TRMT44: variants seen among roughly 807,000 people sequenced by gnomAD.
TRMT44 encodes tRNA methyltransferase 44 homolog, also known as probable tRNA (uracil-O(2)-)-methyltransferase.
Under a neutral mutation model 77.3 loss-of-function variants are expected in TRMT44, and 78 were observed. The observed-to-expected ratio is 1.01, with a 90% CI of 0.84 to 1.22. The LOEUF (loss-of-function observed/expected upper bound fraction) is 1.22. Ranked by LOEUF, TRMT44 falls within the 50% of genes most tolerant of loss-of-function variation. TRMT44 has a pLI of 0.00. For missense variants in TRMT44, 1,090 were observed against 964.4 expected (o/e 1.13, Z -1.73); for synonymous variants, 391 against 383.3 (o/e 1.02, Z -0.23).
downstream of TRMT44, among the ~76,000 whole-genome samples, chr4:8,496,494 C>G (rs1280202187): frequency 6.6e-6 from 1 of 152,172 alleles, no homozygotes; most frequent in Non-Finnish European, 1.5e-5. Flanking sequence ...CCGCCCCATG[C>G]AGGAGCTCAA....
rs557485396 is a variant in TRMT44 at position 8,482,941 on chromosome 4, G to A, written n.3891+3408G>A. Among the ~76,000 whole-genome samples, 290 of 152,024 alleles carry A rather than the reference G, an allele frequency of 1.9e-3. 2 individuals carry two copies. Among genetic ancestry groups the A allele is most frequent in the African/African-American group, 6.5e-3 (270 of 41,414 alleles). Reference sequence around the variant, plus strand: ...GTGGTATGGAGAGATAATGGGCAATGTTTCTCAGGGCTGCTTCGAGTGGGA... The same window carrying A: ...GTGGTATGGAGAGATAATGGGCAATATTTCTCAGGGCTGCTTCGAGTGGGA... On this transcript the variant is annotated intron_variant and non_coding_transcript_variant, in intron 2 of 2. Transcript: ENST00000511366.
chr4:8,451,824 T>A lies in TRMT44; in HGVS notation c.955-136T>A. The A allele has an allele frequency of 1.3e-6, 1 of 753,698 alleles. No homozygotes were observed. Among genetic ancestry groups the A allele is most frequent in the African/African-American group, 1.7e-5 (1 of 57,318 alleles). The allele number at this position is 753,698 out of a possible 1,614,324, so 46.7% of individuals were successfully genotyped here. On this transcript the variant is annotated intron_variant, in intron 3 of 10. Transcript: ENST00000389737. The surrounding 1 kb of genome is among the most constrained non-coding windows in gnomAD (Gnocchi z 4.1). ...TTGTAAGAAACCAGTTGTGAATTCC[T>A]GCCTTTGAGCTTATGTTTCCTATTT...
At chr4:8,500,423 G>T in the TRMT44 span, among the ~76,000 whole-genome samples, 2 of 151,430 alleles carry the variant, frequency 1.3e-5, no homozygotes, top group Non-Finnish European at 2.9e-5. Context: ...TTGAACCTGG[G>T]AGGCAGAGGT....
At chr4:8,492,163 C>T (rs1007492597) in intron 2 of TRMT44, among the ~76,000 whole-genome samples, 1 of 152,186 alleles carries the variant, frequency 6.6e-6, no homozygotes, top group Non-Finnish European at 1.5e-5. Context: ...AAGTAAATCT[C>T]CTCCATAATC....
chr4:8,514,511 A>C, the TRMT44 span, among the ~76,000 whole-genome samples: 1 of 151,932 alleles, frequency 6.6e-6, no homozygotes, highest in African/African-American at 2.4e-5. Context: ...TCCTGACCTC[A>C]GGTGATCCGC....
chr4:8,441,916 C>T (rs1231965229), intron 1 of TRMT44, among the ~76,000 whole-genome samples: 4 of 152,198 alleles, frequency 2.6e-5, no homozygotes, highest in African/African-American at 9.7e-5. Context: ...ATCTAAGAAG[C>T]GGACGTTCGG....
At chr4:8,471,039 A>G in intron 9 of TRMT44, 45 bp from the exon 10 acceptor site, 2 of 1,361,630 alleles carry the variant, frequency 1.5e-6, no homozygotes, top group South Asian at 2.6e-5. Context: ...GGTTCGTAAT[A>G]TTTTGCTGTT....
chr4:8,452,908 GA>G lies in TRMT44; in HGVS notation c.1051del (p.Arg351GlyfsTer3). Reference sequence around the variant, plus strand: ...TTCTATGGGAAGAAGAAAGGGCTGAGAGGAGACTAACTGCCAGGCAGTCCTT... The same window carrying G: ...TTCTATGGGAAGAAGAAAGGGCTGAGGGAGACTAACTGCCAGGCAGTCCTT... ...LILWEEERAE[R>X]RLTARQSFVD... On this transcript the variant is annotated frameshift_variant, in exon 5 of 11. Coordinates refer to ENST00000389737, the MANE Select transcript of TRMT44 (RefSeq NM_152544.3). LOFTEE classifies it high-confidence loss of function. The surrounding 1 kb of genome is among the most constrained non-coding windows in gnomAD (Gnocchi z 5.7). 1 of 1,533,426 alleles carries G rather than the reference GA, an allele frequency of 6.5e-7. No homozygotes were observed. Among genetic ancestry groups the G allele is most frequent in the Non-Finnish European group, 8.7e-7 (1 of 1,145,512 alleles). The allele number at this position is 1,533,426 out of a possible 1,614,324, so 95.0% of individuals were successfully genotyped here.
At chr4:8,505,262 G>A in the TRMT44 span, among the ~76,000 whole-genome samples, 2 of 152,220 alleles carry the variant, frequency 1.3e-5, no homozygotes, top group Non-Finnish European at 1.5e-5. Context: ...TTCCATCTGC[G>A]AACAGGAGGC....
chr4:8,477,700 G>A (rs1727462261), downstream of TRMT44: 1 of 152,528 alleles, frequency 6.6e-6, no homozygotes. Flanking sequence ...GGCTGCACCA[G>A]GGCTTTCAGG....
chr4:8,471,902 C>T (rs1025217303), intron 10 of TRMT44, among the ~76,000 whole-genome samples: 10 of 152,318 alleles, frequency 6.6e-5, no homozygotes, highest in Middle Eastern at 6.8e-3. Flanking sequence ...TACACACTTC[C>T]ATCATCTGCA....
chr4:8,516,682 G>C, the TRMT44 span, among the ~76,000 whole-genome samples: 1 of 152,214 alleles, frequency 6.6e-6, no homozygotes, highest in African/African-American at 2.4e-5. Context: ...TCAGGAGGCT[G>C]AGGCAGAAGA....
In TRMT44 at chr4:8,446,104, G is replaced by T. The variant is rs1156332785; in HGVS notation, c.620-372G>T. ...CTCTGATGGCTGAGCAGTGTTCTGT[G>T]CCTTGCTCACACTCGAAGATCATGG... On this transcript the variant is annotated intron_variant, in intron 1 of 10. Transcript: ENST00000389737. This position sits in a 1 kb window ranked among gnomAD's most constrained non-coding sequence, Gnocchi z 4.3. Among the ~76,000 whole-genome samples, 1 of 152,228 alleles carries T rather than the reference G, an allele frequency of 6.6e-6. No homozygotes were observed. Among genetic ancestry groups the T allele is most frequent in the Non-Finnish European group, 1.5e-5 (1 of 68,050 alleles).
downstream of TRMT44, among the ~76,000 whole-genome samples, chr4:8,495,186 CCT>C (rs1020731768): frequency 1.6e-4 from 24 of 152,172 alleles, no homozygotes; most frequent in African/African-American, 3.9e-4. Flanking sequence ...CAGCTGTGCC[CCT>C]GTCTGTTCCT....
chr4:8,449,819 C>T lies in TRMT44; in HGVS notation c.885C>T (p.Ser295=), dbSNP rs144372818. ...AGAGTGACTTTAAAAGCACCCTTTC[C>T]CTCATCTCCATTATGAAGTATAGCA... ...NKKSDFKSTL[S]LISIMKYSKA... is the part of the protein sequence containing the mutation. Residue 295 remains serine, a synonymous_variant, in exon 3 of 11, where the codon TCC becomes TCT. Transcript: ENST00000389737. The T allele has an allele frequency of 1.4e-3, 2,087 of 1,535,944 alleles. 25 individuals are homozygous for T. In the African/African-American group the frequency reaches 0.025, roughly 19 times the overall value.
intron 2 of TRMT44, among the ~76,000 whole-genome samples, chr4:8,491,505 G>A (rs533519330): frequency 6.6e-6 from 1 of 152,256 alleles, no homozygotes; most frequent in Non-Finnish European, 1.5e-5. Flanking sequence ...AGCCCATGGA[G>A]TGGGTGGGAG....
chr4:8,464,805 T>C (rs1362596718), intron 7 of TRMT44, among the ~76,000 whole-genome samples: 2 of 152,226 alleles, frequency 1.3e-5, no homozygotes, highest in East Asian at 3.8e-4. Context: ...AAAGATATAC[T>C]ATGTTGCTTT....
Position 8,446,658 on chromosome 4 carries a change from A to G in TRMT44, c.734+68A>G, listed in dbSNP as rs1725081665. 1.0e-5 allele frequency: 12 copies of G among 1,185,634 alleles called. No individual in the cohort carries two copies. Among genetic ancestry groups the G allele is most frequent in the Non-Finnish European group, 1.4e-5 (12 of 846,162 alleles). The allele number at this position is 1,185,634 out of a possible 1,614,324, so 73.4% of individuals were successfully genotyped here. A position where few individuals can be genotyped will look rare whatever the true frequency, so the allele number is the denominator to read the frequency against. ...GAGGATTTCTTTAGGTAGCCAAAGG[A>G]TTCTGGGTTGCCAGGGCTTAAGGTC... On this transcript the variant is annotated intron_variant, in intron 2 of 10. Coordinates refer to ENST00000389737, the MANE Select transcript of TRMT44 (RefSeq NM_152544.3). This position sits in a 1 kb window ranked among gnomAD's most constrained non-coding sequence, Gnocchi z 4.3.
the TRMT44 span, among the ~76,000 whole-genome samples, chr4:8,505,685 C>T: frequency 6.6e-6 from 1 of 152,368 alleles, no homozygotes; most frequent in East Asian, 1.9e-4. Flanking sequence ...GGCTGAGACA[C>T]TTGCTCAAGG....
Sources: allele counts gnomAD v4.1 joint callset (sites outside exome capture counted in the v4.1 genomes callset), GRCh38; gene constraint gnomAD v4.1.1; non-coding constraint Gnocchi (gnomAD v3.1); transcripts MANE v1.5; gene names NCBI Gene and HGNC (gene_info 2026-07-23, HGNC 2026-07-21).